Variants in ASAP1 observed in about 807,000 individuals in gnomAD.
ASAP1 encodes the protein ArfGAP with SH3 domain, ankyrin repeat and PH domain 1, also known as arf-GAP with SH3 domain, ANK repeat and PH domain-containing protein 1.
In ASAP1, 43 loss-of-function variants were observed where a neutral mutation model predicts 145.2. The observed-to-expected ratio is 0.30, with a 90% confidence interval of 0.23 to 0.38. ASAP1 has a LOEUF of 0.38. Among genes scored for constraint, ASAP1 ranks in the 10% least tolerant of loss-of-function variants. The probability of loss-of-function intolerance (pLI) is 1.00; values close to 1 mark genes in which losing one functional copy is unlikely to be tolerated. For synonymous variants in ASAP1, 546 were observed against 515.5 expected (o/e 1.06, Z -0.80); for missense variants, 1,018 against 1,355.3 (o/e 0.75, Z 3.91).
chr8:130,315,295 C>A (rs1823599843), intron 3 of ASAP1, among the ~76,000 whole-genome samples: 1 of 152,100 alleles, frequency 6.6e-6, no homozygotes, highest in Admixed American at 6.6e-5. Context: ...CAAACTGGTA[C>A]ATTCTTTGTA....
At chr8:130,262,294 C>G (rs1385501916) in intron 3 of ASAP1, among the ~76,000 whole-genome samples, 1 of 146,006 alleles carries the variant, frequency 6.8e-6, no homozygotes, top group Non-Finnish European at 1.5e-5. Flanking sequence ...ACTTGGGAGG[C>G]TGAGGCAGGA....
At chr8:130,364,869 G>A (rs1279204686) in intron 2 of ASAP1, among the ~76,000 whole-genome samples, 1 of 152,168 alleles carries the variant, frequency 6.6e-6, no homozygotes, top group Non-Finnish European at 1.5e-5. Context: ...GTTTGAGGCT[G>A]CCGTGAGCTA....
rs1442769625 is a variant in ASAP1 at position 130,118,184 on chromosome 8, C to T, written c.1857G>A (p.Leu619=). ...VRTADQTSLH[L]VDFLVQNCGN... is the part of the protein sequence containing the mutation. ...ACCAGTTTTGTACAAGGAAGTCAAC[C>T]AAATGGAGAGATGTCTGATCTGCAG... Residue 619 remains leucine, a synonymous_variant, in exon 20 of 30, where the codon TTG becomes TTA. Coordinates refer to ENST00000518721, the MANE Select transcript of ASAP1 (RefSeq NM_018482.4). 1 of 1,613,656 alleles carries T rather than the reference C, an allele frequency of 6.2e-7. No homozygotes were observed. Among genetic ancestry groups the T allele is most frequent in the African/African-American group, 1.3e-5 (1 of 75,018 alleles).
At position 130,191,565 on chromosome 8, in the gene ASAP1, C is replaced by A. The variant is rs537914184; in HGVS notation, c.406-3382G>T. On this transcript the variant is annotated intron_variant, in intron 5 of 29. Transcript: ENST00000518721. ...ACAGAGGCAGTCACTACACAGCCAA[C>A]TCTACTACATTATGCTATTATGTAT... is the stretch of plus-strand genomic sequence containing the variant. 2.6e-5 allele frequency among the ~76,000 whole-genome samples: 4 copies of A among 152,290 alleles called. No individual in the cohort carries two copies. The East Asian group carries it at 7.7e-4, about 29-fold the overall frequency.
At chr8:130,076,965 C>A (rs2097463804) in intron 26 of ASAP1, among the ~76,000 whole-genome samples, 1 of 152,218 alleles carries the variant, frequency 6.6e-6, no homozygotes, top group Non-Finnish European at 1.5e-5. Flanking sequence ...AGGCACCTGG[C>A]ACACTCTAAG....
At position 130,282,678 on chromosome 8, in the gene ASAP1, G is replaced by A. The variant is rs1821324087; in HGVS notation, c.187-45684C>T. 4.6e-5 allele frequency among the ~76,000 whole-genome samples: 7 copies of A among 152,232 alleles called. No homozygotes were observed. The South Asian group carries it at 1.4e-3, about 32-fold the overall frequency. On this transcript the variant is annotated intron_variant, in intron 3 of 29. Transcript: ENST00000518721. Reference sequence around the variant, plus strand: ...ACTGATTTGGCAATTACCCAACAAAGTATCCACATTATTGGGGAAAATATA... The same window carrying A: ...ACTGATTTGGCAATTACCCAACAAAATATCCACATTATTGGGGAAAATATA...
chr8:130,121,974 C>T (rs2097566945), intron 18 of ASAP1, among the ~76,000 whole-genome samples: 1 of 152,050 alleles, frequency 6.6e-6, no homozygotes, highest in Non-Finnish European at 1.5e-5. Flanking sequence ...TTGCTCAGTT[C>T]TCTCCCGCCA....
intron 2 of ASAP1, among the ~76,000 whole-genome samples, chr8:130,376,148 G>A (rs1280298895): frequency 1.3e-5 from 2 of 152,190 alleles, no homozygotes; most frequent in Admixed American, 6.5e-5. Context: ...CTCTGGTTGG[G>A]AGCTATTCTG....
At chr8:130,105,602 T>C (rs532360783) in intron 24 of ASAP1, among the ~76,000 whole-genome samples, 1 of 152,230 alleles carries the variant, frequency 6.6e-6, no homozygotes, top group South Asian at 2.1e-4. Context: ...ATGGTTTTCA[T>C]AGTATAAAGC....
chr8:130,361,917 C>T (rs1010346586), intron 2 of ASAP1: 5 of 678,040 alleles, frequency 7.4e-6, no homozygotes, highest in Admixed American at 2.1e-5. Context: ...TTATATAAAG[C>T]AAGCATCATC....
chr8:130,329,428 G>C (rs1205788255), intron 3 of ASAP1, among the ~76,000 whole-genome samples: 1 of 152,190 alleles, frequency 6.6e-6, no homozygotes, highest in African/African-American at 2.4e-5. Context: ...GTAGAGCAAA[G>C]ATCCAGGATC....
At chr8:130,292,400 T>C (rs1289633822) in intron 3 of ASAP1, among the ~76,000 whole-genome samples, 1 of 152,200 alleles carries the variant, frequency 6.6e-6, no homozygotes, top group Non-Finnish European at 1.5e-5. Flanking sequence ...ACCAATTATC[T>C]GCCTGCCCCC....
chr8:130,105,188 G>T (rs2097534940), intron 24 of ASAP1, among the ~76,000 whole-genome samples: 1 of 152,096 alleles, frequency 6.6e-6, no homozygotes, highest in African/African-American at 2.4e-5. Context: ...TCAGAAAAAA[G>T]AAACTCACAA....
At chr8:130,182,832 A>C (rs1299356583) in intron 7 of ASAP1, among the ~76,000 whole-genome samples, 1 of 43,766 alleles carries the variant, frequency 2.3e-5, no homozygotes, top group Non-Finnish European at 5.7e-5. Flanking sequence ...ATAAAAAGGC[A>C]AAAAAAAAAA....
chr8:130,356,644 T>C (rs1396831878), intron 3 of ASAP1, among the ~76,000 whole-genome samples: 13 of 152,154 alleles, frequency 8.5e-5, no homozygotes, highest in Admixed American at 8.5e-4. Flanking sequence ...CATCACCCAA[T>C]ACTGACTCCA....
At chr8:130,404,475 T>A (rs915136640) in intron 1 of ASAP1, among the ~76,000 whole-genome samples, 2 of 152,242 alleles carry the variant, frequency 1.3e-5, no homozygotes, top group East Asian at 3.8e-4. Context: ...AAGATCATGA[T>A]CTTCCTATAA....
At chr8:130,317,981 C>T (rs192285857) in intron 3 of ASAP1, among the ~76,000 whole-genome samples, 194 of 152,304 alleles carry the variant, frequency 1.3e-3, no homozygotes, top group African/African-American at 4.5e-3. Context: ...AAACAAGGAA[C>T]AGGAAACTAT....
chr8:130,148,295 C>T (rs2097637700), intron 13 of ASAP1, among the ~76,000 whole-genome samples: 1 of 152,220 alleles, frequency 6.6e-6, no homozygotes, highest in African/African-American at 2.4e-5. Context: ...TATTTACAAA[C>T]TTCATGACCC....
In ASAP1 at chr8:130,205,993, A is replaced by G. The variant is rs1358444452; in HGVS notation, c.405+8563T>C. Among the ~76,000 whole-genome samples, 3 of 152,226 alleles carry G rather than the reference A, an allele frequency of 2.0e-5. No homozygotes were observed. In the East Asian group the frequency reaches 5.8e-4, roughly 29 times the overall value. On this transcript the variant is annotated intron_variant, in intron 5 of 29. Transcript: ENST00000518721. ...TCAAATACTACTCTTAAATATTAACAGAAGCTAGAATTATAATTTTTATTT... is the reference window on the plus strand; with the variant it reads ...TCAAATACTACTCTTAAATATTAACGGAAGCTAGAATTATAATTTTTATTT...
Sources: allele counts gnomAD v4.1 joint callset (sites outside exome capture counted in the v4.1 genomes callset), GRCh38; gene constraint gnomAD v4.1.1; transcripts MANE v1.5; gene names NCBI Gene and HGNC (gene_info 2026-07-23, HGNC 2026-07-21).